CIBAR1: variants seen among roughly 807,000 people sequenced by gnomAD.
CIBAR1 encodes CBY1 interacting BAR domain containing 1, also known as CBY1-interacting BAR domain-containing protein 1.
Under a neutral mutation model 44.0 loss-of-function variants are expected in CIBAR1, and 25 were observed. The observed-to-expected ratio is 0.57, with a 90% CI of 0.41 to 0.79. The LOEUF is 0.79. Ranked by LOEUF, CIBAR1 falls within the 30% of genes least tolerant of loss-of-function variation. The pLI, the probability that CIBAR1 is intolerant of heterozygous loss-of-function variation, is 0.00. For missense variants in CIBAR1, 278 were observed against 344.8 expected, an observed-to-expected ratio of 0.81 and a Z score of 1.53; for synonymous variants, 115 against 119.0, an observed-to-expected ratio of 0.97 and a Z score of 0.22.
Position 93,701,236 on chromosome 8 carries a change from G to C in CIBAR1, c.39G>C (p.Thr13=). The C allele has an allele frequency of 1.2e-6, 2 of 1,613,044 alleles. No homozygotes were observed. The highest frequency in any genetic ancestry group is 1.7e-6 in the Non-Finnish European group (2 of 1,179,492). The change falls in exon 2 of 9, where the codon ACG becomes ACC. Residue 13 remains threonine (T), a synonymous_variant. Coordinates refer to ENST00000518322, the MANE Select transcript of CIBAR1 (RefSeq NM_145269.5). The part of the protein sequence containing the change: ...RRTLENRNAQ[T]KQLQTAVSNV... ...ACCTTTTCCCTAGGAACGCTCAAAC[G>C]AAACAACTGCAAACAGCTGTCTCAA...
intron 5 of CIBAR1, among the ~76,000 whole-genome samples, chr8:93,709,290 T>A (rs1006013886): frequency 6.6e-6 from 1 of 151,876 alleles, no homozygotes; most frequent in African/African-American, 2.4e-5. Flanking sequence ...CAAAAAAAAA[T>A]AAATAAAAAA....
At chr8:93,720,552 TC>T (rs1297389618) in intron 7 of CIBAR1, among the ~76,000 whole-genome samples, 1 of 152,138 alleles carries the variant, frequency 6.6e-6, no homozygotes, top group Non-Finnish European at 1.5e-5. Flanking sequence ...TAACTTTCAC[TC>T]CTTTTCATGT....
intron 8 of CIBAR1, 43 bp from the exon 9 acceptor site, chr8:93,728,161 TA>T: frequency 7.8e-7 from 1 of 1,276,438 alleles, no homozygotes; most frequent in Non-Finnish European, 1.1e-6. Flanking sequence ...AAAATTTTTT[TA>T]AGTTAGTATT....
intron 6 of CIBAR1, among the ~76,000 whole-genome samples, chr8:93,713,025 T>TTTTC (rs142988549): frequency 0.75 from 95,767 of 126,888 alleles, 33,922 homozygotes; most frequent in South Asian, 0.8. Context: ...TTTTTTCTCC[T>TTTTC]TTTTTTTCTT....
chr8:93,711,788 T>A (rs2130322907), intron 6 of CIBAR1, among the ~76,000 whole-genome samples: 1 of 152,350 alleles, frequency 6.6e-6, no homozygotes, highest in Non-Finnish European at 1.5e-5. Flanking sequence ...GAAATTTGTC[T>A]CTATTCTGAT....
At chr8:93,721,251 G>GGC (rs1191150203) in intron 7 of CIBAR1, 2 of 152,208 alleles carry the variant, frequency 1.3e-5, no homozygotes, top group African/African-American at 4.8e-5. Flanking sequence ...CTTCAAAAGT[G>GGC]ATCCCCCAAT....
rs1811638655 is a variant in CIBAR1, at chr8:93,728,398, C to T, written c.*101C>T. 1 of 705,486 alleles carries T rather than the reference C, an allele frequency of 1.4e-6. No individual in the cohort carries two copies. Among genetic ancestry groups the T allele is most frequent in the African/African-American group, 1.9e-5 (1 of 52,628 alleles). 43.7% of individuals were successfully genotyped at this position (705,486 alleles called of 1,614,324 possible). On this transcript the variant is annotated 3_prime_UTR_variant, in exon 9 of 9. Coordinates refer to ENST00000518322, the MANE Select transcript of CIBAR1 (RefSeq NM_145269.5). ...GCTATGTTAAGCCTCAAAGTGAAGT[C>T]CAACTGGAAACAGAAAAATAATTAA...
chr8:93,700,588 G>A lies in CIBAR1; in HGVS notation c.-60G>A. 7 of 1,451,916 alleles carry A rather than the reference G, an allele frequency of 4.8e-6. No individual in the cohort carries two copies. The highest frequency in any genetic ancestry group is 1.4e-5 in the South Asian group (1 of 73,914). The allele number at this position is 1,451,916 out of a possible 1,614,324, so 89.9% of individuals were successfully genotyped here. A position where few individuals can be genotyped will look rare whatever the true frequency, so the allele number is the denominator to read the frequency against. On this transcript the variant is annotated 5_prime_UTR_variant, in exon 1 of 9. Coordinates refer to ENST00000518322, the MANE Select transcript of CIBAR1 (RefSeq NM_145269.5). ...CTGCTTGCGCCCCAGCGCGCGCCCAGGCGCCTTGGAATCCCCGTCCTTGGG... is the reference window on the plus strand; with the variant it reads ...CTGCTTGCGCCCCAGCGCGCGCCCAAGCGCCTTGGAATCCCCGTCCTTGGG...
intron 3 of CIBAR1, 140 bp downstream of exon 3, chr8:93,703,828 G>T: frequency 1.7e-6 from 1 of 604,460 alleles, no homozygotes. Flanking sequence ...ACTTTGGGAG[G>T]TCGAGGCGGG....
rs1312067420 is a variant in CIBAR1 at position 93,728,347 on chromosome 8, A to C, written c.*50A>C. Reference sequence around the variant, plus strand: ...AAATGACTTGAAATCCACAATGACTAAATTGTAGAACTTTATACTCACTTT... The same window carrying C: ...AAATGACTTGAAATCCACAATGACTCAATTGTAGAACTTTATACTCACTTT... On this transcript the variant is annotated 3_prime_UTR_variant, in exon 9 of 9. Transcript: ENST00000518322. 1.5e-5 allele frequency: 18 copies of C among 1,205,814 alleles called. No individual in the cohort carries two copies. Among genetic ancestry groups the C allele is most frequent in the Non-Finnish European group, 2.0e-5 (17 of 839,200 alleles). The allele number at this position is 1,205,814 out of a possible 1,614,324, so 74.7% of individuals were successfully genotyped here.
At chr8:93,703,711 T>G (rs1810462912) in intron 3 of CIBAR1, 23 bp downstream of exon 3, 1 of 1,530,160 alleles carries the variant, frequency 6.5e-7, no homozygotes, top group African/African-American at 1.4e-5. Context: ...ATTTTCTCAC[T>G]TAACTGTGAG....
intron 8 of CIBAR1, chr8:93,727,136 T>C (rs756252239): frequency 8.3e-7 from 1 of 1,198,896 alleles, no homozygotes; most frequent in South Asian, 1.3e-5. Flanking sequence ...AGCAGGAGGC[T>C]GGCTGGGCCG....
At position 93,728,373 on chromosome 8, in the gene CIBAR1, G is replaced by A. The variant is rs748946602; in HGVS notation, c.*76G>A. 14 of 940,412 alleles carry A rather than the reference G, an allele frequency of 1.5e-5. No homozygotes were observed. Among genetic ancestry groups the A allele is most frequent in the Non-Finnish European group, 2.2e-5 (14 of 634,408 alleles). The allele number at this position is 940,412 out of a possible 1,614,324, so 58.3% of individuals were successfully genotyped here. On this transcript the variant is annotated 3_prime_UTR_variant, in exon 9 of 9. Coordinates refer to ENST00000518322, the MANE Select transcript of CIBAR1 (RefSeq NM_145269.5). ...AATTGTAGAACTTTATACTCACTTTGCTATGTTAAGCCTCAAAGTGAAGTC... is the reference window on the plus strand; with the variant it reads ...AATTGTAGAACTTTATACTCACTTTACTATGTTAAGCCTCAAAGTGAAGTC...
Position 93,728,238 on chromosome 8 carries a change from G to A in CIBAR1, c.811G>A (p.Ala271Thr), listed in dbSNP as rs1379913461. 1 of 1,598,764 alleles carries A rather than the reference G, an allele frequency of 6.3e-7. No individual in the cohort carries two copies. Among genetic ancestry groups the A allele is most frequent in the Admixed American group, 1.7e-5 (1 of 57,328 alleles). The stretch of plus-strand genomic sequence containing the variant: ...TTGTCGACTAAGAAAGGATCAACAA[G>A]CAGAAGATGATGAGGATGACGAGTT... ...STCRLRKDQQ[A>T]EDDEDDELDV... is the part of the protein sequence containing the mutation. Residue 271 changes from alanine (A) to threonine (T), a missense_variant, in exon 9 of 9, where the codon GCA becomes ACA. Around this residue, in one of 3 missense-constraint regions of CIBAR1, gnomAD observed 93 missense variants for 108.9 expected, o/e 0.85. Coordinates refer to ENST00000518322, the MANE Select transcript of CIBAR1 (RefSeq NM_145269.5).
chr8:93,702,259 A>C (rs1810393104), intron 2 of CIBAR1: 1 of 428,240 alleles, frequency 2.3e-6, no homozygotes, highest in African/African-American at 2.0e-5. Context: ...AAGAGTAATC[A>C]TATTTGGAGG....
chr8:93,728,073 C>A, intron 8 of CIBAR1, 132 bp from the exon 9 acceptor site: 1 of 487,966 alleles, frequency 2.0e-6, no homozygotes, highest in Non-Finnish European at 3.5e-6. Context: ...ATTTTCACTA[C>A]TAAAAATTAT....
At position 93,700,606 on chromosome 8, in the gene CIBAR1, T is replaced by A; in HGVS notation, c.-42T>A. On this transcript the variant is annotated 5_prime_UTR_variant, in exon 1 of 9. Transcript: ENST00000518322. ...GCGCCCAGGCGCCTTGGAATCCCCG[T>A]CCTTGGGCCCCCGCAAGGTCCCCGG... The A allele has an allele frequency of 6.8e-7, 1 of 1,476,620 alleles. No homozygotes were observed. Among genetic ancestry groups the A allele is most frequent in the South Asian group, 1.3e-5 (1 of 76,826 alleles). 91.5% of individuals were successfully genotyped at this position (1,476,620 alleles called of 1,614,324 possible).
chr8:93,711,969 G>A (rs1159104316), intron 6 of CIBAR1, among the ~76,000 whole-genome samples: 1 of 152,156 alleles, frequency 6.6e-6, no homozygotes. Flanking sequence ...GGTGGAGGGT[G>A]CACAGAGAAG....
intron 8 of CIBAR1, among the ~76,000 whole-genome samples, chr8:93,727,950 T>C (rs1274973661): frequency 6.6e-6 from 1 of 152,156 alleles, no homozygotes; most frequent in East Asian, 1.9e-4. Flanking sequence ...ACTTTTAATG[T>C]TTTTGAAGTA....
Sources: gnomAD v4.1 joint callset for allele counts (sites outside exome capture counted in the v4.1 genomes callset) on GRCh38, gnomAD v4.1.1 for gene constraint, gnomAD v4.1.1 regional missense constraint, MANE v1.5 for transcripts, NCBI Gene and HGNC (gene_info 2026-07-23, HGNC 2026-07-21) for gene names.